SUGCT: variants seen among roughly 807,000 people sequenced by gnomAD.
SUGCT encodes the protein succinyl-CoA:glutarate CoA-transferase.
Under a neutral mutation model 55.0 loss-of-function variants are expected in SUGCT, and 41 were observed. The ratio of observed to expected loss-of-function variants is 0.74; its 90% CI spans 0.58 to 0.97. The LOEUF (loss-of-function observed/expected upper bound fraction) is 0.97. Among genes scored for constraint, SUGCT ranks in the 50% least tolerant of loss-of-function variants. The pLI, the probability that SUGCT is intolerant of heterozygous loss-of-function variation, is 0.00. For missense variants in SUGCT, 568 were observed against 547.8 expected (o/e 1.04, Z -0.37); for synonymous variants, 187 against 200.4 (o/e 0.93, Z 0.56).
chr7:40,845,612 A>C (rs531345641), intron 13 of SUGCT, among the ~76,000 whole-genome samples: 1 of 152,246 alleles, frequency 6.6e-6, no homozygotes, highest in African/African-American at 2.4e-5. Context: ...GAGGATGGTC[A>C]TGCCAAAATT....
intron 1 of SUGCT, among the ~76,000 whole-genome samples, chr7:40,146,402 C>T (rs1033543569): frequency 6.6e-6 from 1 of 152,194 alleles, no homozygotes; most frequent in Non-Finnish European, 1.5e-5. Context: ...TAAAGACACA[C>T]ACGCAGAAAT....
At chr7:40,289,393 C>A (rs1035437439) in intron 8 of SUGCT, among the ~76,000 whole-genome samples, 1 of 151,972 alleles carries the variant, frequency 6.6e-6, no homozygotes. Flanking sequence ...AGGAGTTGAA[C>A]AATATGGTAA....
chr7:40,907,343 T>C, the SUGCT span, among the ~76,000 whole-genome samples: 1 of 152,158 alleles, frequency 6.6e-6, no homozygotes, highest in Non-Finnish European at 1.5e-5. Context: ...TAAGGGGTGG[T>C]GTGTAATCTA....
intron 9 of SUGCT, among the ~76,000 whole-genome samples, chr7:40,448,753 G>A (rs1388481190): frequency 4.6e-5 from 7 of 152,158 alleles, no homozygotes; most frequent in African/African-American, 1.7e-4. Flanking sequence ...GCTGGGGCAG[G>A]AGGATTGCTT....
chr7:40,571,786 C>A (rs1347864105), intron 12 of SUGCT, among the ~76,000 whole-genome samples: 3 of 152,120 alleles, frequency 2.0e-5, no homozygotes, highest in South Asian at 2.1e-4. Context: ...AAGTGTGAAT[C>A]TGTGGTATTC....
At chr7:40,435,012 G>A (rs1428451888) in intron 9 of SUGCT, among the ~76,000 whole-genome samples, 1 of 152,072 alleles carries the variant, frequency 6.6e-6, no homozygotes, top group Non-Finnish European at 1.5e-5. Flanking sequence ...CCCATAGTTC[G>A]CCAAGCCGAA....
the SUGCT span, among the ~76,000 whole-genome samples, chr7:40,959,221 A>G: frequency 4.6e-5 from 7 of 152,368 alleles, no homozygotes; most frequent in African/African-American, 1.7e-4. Flanking sequence ...TGCTATCTTC[A>G]GAGCCAGCAT....
chr7:40,458,307 T>G (rs1447601076), intron 10 of SUGCT, among the ~76,000 whole-genome samples: 3 of 152,246 alleles, frequency 2.0e-5, no homozygotes, highest in Non-Finnish European at 4.4e-5. Context: ...ACACAGTCTT[T>G]GTAAAACTTT....
chr7:40,188,340 A>G (rs936255299), intron 3 of SUGCT, among the ~76,000 whole-genome samples, 155 bp from the exon 4 acceptor site: 2 of 149,122 alleles, frequency 1.3e-5, no homozygotes, highest in Non-Finnish European at 3.0e-5. Context: ...TGGCTGAGGC[A>G]GGAGAATTAC....
rs537547333 is a variant in SUGCT, at chr7:40,558,538, C to G, written c.1089+62152C>G. On this transcript the variant is annotated intron_variant, in intron 12 of 13. Coordinates refer to ENST00000335693, the MANE Select transcript of SUGCT (RefSeq NM_001193313.2). ...ACAGATATCATTAGGATTCCACATA[C>G]GTGAGGTTCATAGAATGGGCAAATT... Among the ~76,000 whole-genome samples the G allele has an allele frequency of 2.6e-5, 4 of 152,250 alleles. No homozygotes were observed. The South Asian group carries it at 8.3e-4, about 32-fold the overall frequency.
intron 12 of SUGCT, among the ~76,000 whole-genome samples, chr7:40,621,225 G>C (rs138828025): frequency 1.4e-3 from 207 of 152,214 alleles, no homozygotes; most frequent in African/African-American, 4.8e-3. Context: ...AGAAATTGAA[G>C]ATACACAAGG....
intron 13 of SUGCT, among the ~76,000 whole-genome samples, chr7:40,769,112 G>C (rs900884362): frequency 1.3e-5 from 2 of 152,144 alleles, no homozygotes; most frequent in Non-Finnish European, 2.9e-5. Context: ...AAAAAACAAG[G>C]GGGAGAGTAT....
chr7:40,182,901 GC>G (rs1381280197), intron 3 of SUGCT, among the ~76,000 whole-genome samples: 1 of 152,126 alleles, frequency 6.6e-6, no homozygotes, highest in African/African-American at 2.4e-5. Flanking sequence ...TCAAGGGAAG[GC>G]CAGGAGAAAG....
At chr7:40,350,715 A>C (rs1011104527) in intron 9 of SUGCT, among the ~76,000 whole-genome samples, 1 of 152,068 alleles carries the variant, frequency 6.6e-6, no homozygotes, top group Non-Finnish European at 1.5e-5. Context: ...ATAGGTATAC[A>C]GGTGCCGTGG....
intron 8 of SUGCT, among the ~76,000 whole-genome samples, chr7:40,286,352 C>G (rs1793337752): frequency 1.3e-5 from 2 of 152,096 alleles, no homozygotes; most frequent in South Asian, 2.1e-4. Flanking sequence ...CTAGCCAAGT[C>G]AAGATACTCT....
At chr7:40,557,502 G>T (rs1795610608) in intron 12 of SUGCT, among the ~76,000 whole-genome samples, 1 of 152,286 alleles carries the variant, frequency 6.6e-6, no homozygotes, top group East Asian at 1.9e-4. Context: ...GCCAGGCGTG[G>T]TGGCTCATGC....
chr7:40,920,357 T>C, the SUGCT span, among the ~76,000 whole-genome samples: 1 of 152,176 alleles, frequency 6.6e-6, no homozygotes, highest in Non-Finnish European at 1.5e-5. Flanking sequence ...ATGACAATTA[T>C]GAGTGAGATT....
intron 12 of SUGCT, among the ~76,000 whole-genome samples, chr7:40,602,976 A>G (rs1798363765): frequency 6.6e-6 from 1 of 152,208 alleles, no homozygotes; most frequent in African/African-American, 2.4e-5. Context: ...GGGATGTTGG[A>G]ACAAGGAGCT....
At chr7:40,549,473 A>G (rs1795185440) in intron 12 of SUGCT, among the ~76,000 whole-genome samples, 1 of 152,226 alleles carries the variant, frequency 6.6e-6, no homozygotes, top group Admixed American at 6.5e-5. Flanking sequence ...CCAAAGATGG[A>G]AAAGACAGTG....
Sources: gnomAD v4.1 joint callset for allele counts (sites outside exome capture counted in the v4.1 genomes callset) on GRCh38, gnomAD v4.1.1 for gene constraint, MANE v1.5 for transcripts, NCBI Gene and HGNC (gene_info 2026-07-23, HGNC 2026-07-21) for gene names.